The following DPYD variants were observed in gnomAD, a reference collection of about 807,000 sequenced individuals.
The protein encoded by DPYD is dihydropyrimidine dehydrogenase, also known as dihydropyrimidine dehydrogenase [NADP(+)].
In DPYD, 109 loss-of-function variants were observed where a neutral mutation model predicts 116.2. That is an observed-to-expected ratio of 0.94 (90% CI 0.80 to 1.10). The LOEUF is 1.10. Ranked by LOEUF, DPYD falls within the 50% of genes least tolerant of loss-of-function variation. The pLI is 0.00. For missense variants in DPYD, 1,302 were observed against 1,254.5 expected (o/e 1.04, Z -0.57); for synonymous variants, 440 against 432.0 (o/e 1.02, Z -0.23).
intron 16 of DPYD, among the ~76,000 whole-genome samples, chr1:97,348,473 C>T (rs776715779): frequency 1.3e-5 from 2 of 152,094 alleles, no homozygotes; most frequent in Admixed American, 6.6e-5. Flanking sequence ...AACCAATTTC[C>T]GTAAATAAGG....
At chr1:97,527,368 T>TGC (rs1649225092) in intron 12 of DPYD, among the ~76,000 whole-genome samples, 2 of 152,084 alleles carry the variant, frequency 1.3e-5, no homozygotes, top group African/African-American at 4.8e-5. Context: ...TGAGCCACCA[T>TGC]GCCCAGCTGC....
chr1:97,234,882 C>T lies in DPYD; in HGVS notation c.2412G>A (p.Gln804=). 1 of 1,613,910 alleles carries T rather than the reference C, an allele frequency of 6.2e-7. No homozygotes were observed. The highest frequency in any genetic ancestry group is 8.5e-7 in the Non-Finnish European group (1 of 1,179,956). ...GGACGGAAGCACCACTATGGAGAAA[C>T]TGAAGACCACTTTCAGCAGAGTCAA... is the stretch of plus-strand genomic sequence containing the variant. ...GGIDSAESGL[Q]FLHSGASVLQ... Residue 804 remains glutamine (Q), a synonymous_variant, in exon 19 of 23, where the codon CAG becomes CAA. Transcript: ENST00000370192.
At chr1:97,098,669 C>CT (rs766852110) in intron 20 of DPYD, 37 bp from the exon 21 acceptor site, 42 of 1,610,408 alleles carry the variant, frequency 2.6e-5, no homozygotes, top group Non-Finnish European at 3.4e-5. Flanking sequence ...AGCATGTTAG[C>CT]TCAGAGAAGA....
At chr1:97,485,969 C>A (rs11165882) in intron 13 of DPYD, among the ~76,000 whole-genome samples, 89,999 of 151,994 alleles carry the variant, frequency 0.59, 26,830 homozygotes, top group East Asian at 0.74. Flanking sequence ...GCAATATTGA[C>A]ATGGAATAGA....
chr1:97,750,899 T>C (rs576355001), intron 3 of DPYD, among the ~76,000 whole-genome samples: 6 of 152,230 alleles, frequency 3.9e-5, no homozygotes, highest in Non-Finnish European at 7.4e-5. Flanking sequence ...CTCTAGCATA[T>C]ACCAAAGGAT....
intron 8 of DPYD, among the ~76,000 whole-genome samples, chr1:97,646,095 G>A (rs1658243409): frequency 6.6e-6 from 1 of 152,010 alleles, no homozygotes; most frequent in African/African-American, 2.4e-5. Flanking sequence ...GGATATTTCT[G>A]TCTAAAGCAT....
chr1:97,495,669 T>G (rs933161822), intron 13 of DPYD, among the ~76,000 whole-genome samples: 2 of 152,060 alleles, frequency 1.3e-5, no homozygotes, highest in African/African-American at 2.4e-5. Context: ...TATTAAGATT[T>G]TCTTTTACAG....
chr1:97,232,287 A>G (rs181913281), intron 19 of DPYD, among the ~76,000 whole-genome samples: 17 of 152,230 alleles, frequency 1.1e-4, no homozygotes, highest in East Asian at 9.7e-4. Context: ...TTTGTCCCCA[A>G]TAAGTAAGGT....
chr1:97,380,235 T>C (rs555710712), intron 15 of DPYD, among the ~76,000 whole-genome samples: 2 of 152,344 alleles, frequency 1.3e-5, no homozygotes, highest in African/African-American at 4.8e-5. Flanking sequence ...TTGTTTTGGC[T>C]AGCCAGGGAC....
intron 20 of DPYD, among the ~76,000 whole-genome samples, chr1:97,190,324 T>A (rs1164689345): frequency 6.6e-6 from 1 of 152,184 alleles, no homozygotes; most frequent in Non-Finnish European, 1.5e-5. Flanking sequence ...CTCACTGTTC[T>A]ATTGCTATTC....
At chr1:97,874,542 A>G (rs994284348) in intron 2 of DPYD, among the ~76,000 whole-genome samples, 6 of 151,838 alleles carry the variant, frequency 4.0e-5, no homozygotes, top group Non-Finnish European at 8.8e-5. Context: ...GGACAGGAAA[A>G]TAATATATTT....
At chr1:97,150,553 T>C (rs1428790873) in intron 20 of DPYD, among the ~76,000 whole-genome samples, 1 of 152,190 alleles carries the variant, frequency 6.6e-6, no homozygotes, top group Non-Finnish European at 1.5e-5. Context: ...GGCATTTTCT[T>C]GTGGGCACTG....
chr1:97,101,109 A>T (rs1274818335), intron 20 of DPYD, among the ~76,000 whole-genome samples: 1 of 151,822 alleles, frequency 6.6e-6, no homozygotes, highest in Non-Finnish European at 1.5e-5. Context: ...AAAAAAAAAA[A>T]TACCAAATAT....
chr1:97,374,960 C>T (rs1440554015), intron 15 of DPYD, among the ~76,000 whole-genome samples: 4 of 138,154 alleles, frequency 2.9e-5, no homozygotes, highest in African/African-American at 8.2e-5. Context: ...ACCTGGGAGG[C>T]GGAGGTGGCA....
rs537544112 is a variant in DPYD at position 97,513,314 on chromosome 1, AC to A, written c.1740+2411del. Among the ~76,000 whole-genome samples, 465 of 151,910 alleles carry A rather than the reference AC, an allele frequency of 3.1e-3. 1 individual carries two copies. Among genetic ancestry groups the A allele is most frequent in the Middle Eastern group, 6.8e-3 (2 of 294 alleles). ...AATATTCAGCTGTCAATCCAGAAAA[AC>A]AACGAGGGAGCCACACTGTCAGTAG... On this transcript the variant is annotated intron_variant, in intron 13 of 22. Coordinates refer to ENST00000370192, the MANE Select transcript of DPYD (RefSeq NM_000110.4).
intron 5 of DPYD, among the ~76,000 whole-genome samples, chr1:97,712,403 ATAT>A (rs1471862792): frequency 6.6e-6 from 1 of 151,968 alleles, no homozygotes; most frequent in Non-Finnish European, 1.5e-5. Flanking sequence ...ACTATTTTTT[ATAT>A]TAAACTCACC....
intron 3 of DPYD, among the ~76,000 whole-genome samples, chr1:97,775,264 C>A (rs1666336459): frequency 6.6e-6 from 1 of 152,002 alleles, no homozygotes; most frequent in Non-Finnish European, 1.5e-5. Flanking sequence ...AACTATCTTG[C>A]CTCTACGTGA....
chr1:97,295,691 G>A (rs1443441826), intron 18 of DPYD: 3 of 885,038 alleles, frequency 3.4e-6, no homozygotes, highest in East Asian at 1.2e-4. Flanking sequence ...GCAGCTTCCC[G>A]AAGTGCTGGG....
chr1:97,136,602 C>T (rs1255057567), intron 20 of DPYD, among the ~76,000 whole-genome samples: 1 of 152,076 alleles, frequency 6.6e-6, no homozygotes, highest in Non-Finnish European at 1.5e-5. Flanking sequence ...CTGGAAACTT[C>T]CTGCCATCAA....
Sources: allele counts gnomAD v4.1 joint callset (sites outside exome capture counted in the v4.1 genomes callset), GRCh38; gene constraint gnomAD v4.1.1; transcripts MANE v1.5; gene names NCBI Gene and HGNC (gene_info 2026-07-23, HGNC 2026-07-21).